Variants in FANCL observed in about 807,000 individuals in gnomAD.
FANCL encodes the protein FA complementation group L.
Under a neutral mutation model 59.4 loss-of-function variants are expected in FANCL, and 69 were observed. That is an observed-to-expected ratio of 1.16 (90% confidence interval 0.96 to 1.42). FANCL has a LOEUF of 1.42. Ranked by LOEUF, FANCL falls within the 40% of genes most tolerant of loss-of-function variation. FANCL has a pLI of 0.00. For synonymous variants in FANCL, 180 were observed against 147.1 expected, an observed-to-expected ratio of 1.22 and a Z score of -1.62; for missense variants, 519 against 447.2, an observed-to-expected ratio of 1.16 and a Z score of -1.45.
chr2:58,236,060 A>G (rs550975079), intron 1 of FANCL, among the ~76,000 whole-genome samples: 129 of 151,786 alleles, frequency 8.5e-4, no homozygotes, highest in Middle Eastern at 3.4e-3. Flanking sequence ...CAAAAAAAAA[A>G]AAAGAAAGAA....
chr2:58,161,667 G>A (rs374093014), intron 11 of FANCL, 29 bp from the exon 12 acceptor site: 66 of 1,427,590 alleles, frequency 4.6e-5, no homozygotes, highest in African/African-American at 1.8e-4. Flanking sequence ...TATAAAAAGC[G>A]TATGTGTCTC....
At chr2:58,240,734 T>C (rs1238466309) in intron 1 of FANCL, among the ~76,000 whole-genome samples, 2 of 152,196 alleles carry the variant, frequency 1.3e-5, no homozygotes. Flanking sequence ...TAACTGTGGG[T>C]GTACAGGTAC....
At chr2:58,238,166 ATT>A (rs547640236) in intron 1 of FANCL, among the ~76,000 whole-genome samples, 1 of 151,448 alleles carries the variant, frequency 6.6e-6, no homozygotes, top group Non-Finnish European at 1.5e-5. Flanking sequence ...ATTTTTTGTG[ATT>A]TTTTTTTAGC....
intron 5 of FANCL, among the ~76,000 whole-genome samples, chr2:58,215,980 T>G (rs1691679879): frequency 6.6e-6 from 1 of 152,064 alleles, no homozygotes. Context: ...AAAGTCTCAG[T>G]GAATACCCCA....
intron 5 of FANCL, among the ~76,000 whole-genome samples, chr2:58,216,541 G>A (rs984396094): frequency 2.0e-5 from 3 of 152,054 alleles, no homozygotes; most frequent in East Asian, 3.9e-4. Context: ...TTACCTTATT[G>A]AGCAGAGACA....
chr2:58,218,231 T>C (rs1004881506), intron 5 of FANCL, among the ~76,000 whole-genome samples: 1 of 151,712 alleles, frequency 6.6e-6, no homozygotes, highest in African/African-American at 2.4e-5. Flanking sequence ...TGGAAAAAAA[T>C]CAATGACCTA....
Position 58,210,310 on chromosome 2 carries a change from G to A in FANCL, c.375-6084C>T, listed in dbSNP as rs181474334. ...AGGAGGAACAAGTCCCATCTTACAC[G>A]GATGGCAGCAAAGACAGAATAAGGA... On this transcript the variant is annotated intron_variant, in intron 5 of 13. Transcript: ENST00000233741. Among the ~76,000 whole-genome samples the A allele has an allele frequency of 1.3e-3, 199 of 152,220 alleles. 1 individual carries two copies. Among genetic ancestry groups the A allele is most frequent in the Non-Finnish European group, 2.4e-3 (163 of 68,026 alleles).
Position 58,161,308 on chromosome 2 carries a change from C to G in FANCL, c.1020+214G>C, listed in dbSNP as rs560001414. Among the ~76,000 whole-genome samples, 10 of 151,916 alleles carry G rather than the reference C, an allele frequency of 6.6e-5. No individual in the cohort carries two copies. In the South Asian group the frequency reaches 1.5e-3, roughly 22 times the overall value. On this transcript the variant is annotated intron_variant, in intron 12 of 13. Transcript: ENST00000233741. ...TGAATATATTCTGGATAGATTTTCTCCCTTGGATACTTCAGAACATTTCTC... is the reference window on the plus strand; with the variant it reads ...TGAATATATTCTGGATAGATTTTCTGCCTTGGATACTTCAGAACATTTCTC...
At position 58,159,712 on chromosome 2, in the gene FANCL, T is replaced by A; in HGVS notation, c.*53A>T. The stretch of plus-strand genomic sequence containing the variant: ...TCTCTGAAGATGATACCAAAATTCC[T>A]TTTGATAATTTTTTAAGTTTCCAGC... On this transcript the variant is annotated 3_prime_UTR_variant, in exon 14 of 14. Coordinates refer to ENST00000233741, the MANE Select transcript of FANCL (RefSeq NM_018062.4). The A allele has an allele frequency of 6.2e-7, 1 of 1,612,034 alleles. No individual in the cohort carries two copies. Among genetic ancestry groups the A allele is most frequent in the Non-Finnish European group, 8.5e-7 (1 of 1,179,290 alleles).
chr2:58,199,720 T>G (rs1689802647), intron 6 of FANCL, among the ~76,000 whole-genome samples: 1 of 152,164 alleles, frequency 6.6e-6, no homozygotes, highest in Non-Finnish European at 1.5e-5. Context: ...AATCCAATTC[T>G]GATTCTTCAA....
chr2:58,241,378 G>A, upstream of FANCL: 1 of 1,511,138 alleles, frequency 6.6e-7, no homozygotes. Flanking sequence ...TGCGCAGTCC[G>A]CTGGCGCTCG....
At chr2:58,201,571 T>C (rs1690028121) in intron 6 of FANCL, among the ~76,000 whole-genome samples, 1 of 151,982 alleles carries the variant, frequency 6.6e-6, no homozygotes, top group Non-Finnish European at 1.5e-5. Flanking sequence ...CTGATGCATA[T>C]ATGTAATTTG....
intron 7 of FANCL, among the ~76,000 whole-genome samples, chr2:58,184,502 A>T (rs1688217022): frequency 6.6e-6 from 1 of 152,090 alleles, no homozygotes; most frequent in Non-Finnish European, 1.5e-5. Context: ...AAGATCCAAA[A>T]ATTACAACCA....
intron 7 of FANCL, among the ~76,000 whole-genome samples, chr2:58,182,335 G>A (rs1023732643): frequency 1.3e-5 from 2 of 151,750 alleles, no homozygotes. Context: ...ATTCTAATGT[G>A]CAGATAAGGT....
chr2:58,212,010 C>T (rs1168055151), intron 5 of FANCL, among the ~76,000 whole-genome samples: 3 of 152,196 alleles, frequency 2.0e-5, no homozygotes, highest in Non-Finnish European at 2.9e-5. Context: ...AAGTCGCTTC[C>T]ACATTTTCAG....
intron 8 of FANCL, among the ~76,000 whole-genome samples, chr2:58,165,303 T>TAA (rs1685783375): frequency 6.6e-6 from 1 of 152,194 alleles, no homozygotes; most frequent in African/African-American, 2.4e-5. Context: ...TACTGCAAGT[T>TAA]CTTTTATCTT....
intron 1 of FANCL, among the ~76,000 whole-genome samples, chr2:58,236,608 G>A (rs1159126477): frequency 6.6e-6 from 1 of 151,988 alleles, no homozygotes; most frequent in East Asian, 1.9e-4. Context: ...CACACAGCAA[G>A]AGTAGATTTA....
At chr2:58,209,294 A>G (rs1273677855) in intron 5 of FANCL, among the ~76,000 whole-genome samples, 1 of 152,208 alleles carries the variant, frequency 6.6e-6, no homozygotes, top group Non-Finnish European at 1.5e-5. Context: ...ACATTTACTG[A>G]TTCATGTGTA....
At chr2:58,175,939 A>G (rs1290704642) in intron 7 of FANCL, among the ~76,000 whole-genome samples, 1 of 152,156 alleles carries the variant, frequency 6.6e-6, no homozygotes, top group African/African-American at 2.4e-5. Context: ...GCAAAGTCTC[A>G]GGATACAAAA....
Sources: allele counts gnomAD v4.1 joint callset (sites outside exome capture counted in the v4.1 genomes callset), GRCh38; gene constraint gnomAD v4.1.1; transcripts MANE v1.5; gene names NCBI Gene and HGNC (gene_info 2026-07-23, HGNC 2026-07-21).